Variants in SLIT1 observed in about 807,000 individuals in gnomAD.
SLIT1 encodes the protein slit guidance ligand 1, also known as slit homolog 1 protein.
A neutral mutation model predicts 186.1 loss-of-function variants in SLIT1; 66 were observed. The ratio of observed to expected loss-of-function variants is 0.35; its 90% CI spans 0.29 to 0.44. The LOEUF (loss-of-function observed/expected upper bound fraction) is 0.44. Ranked by LOEUF, SLIT1 falls within the 20% of genes least tolerant of loss-of-function variation. The pLI, the probability that SLIT1 is intolerant of heterozygous loss-of-function variation, is 1.00. For missense variants in SLIT1, 1,638 were observed against 2,037.4 expected (o/e 0.80, Z 3.77); for synonymous variants, 761 against 833.8 (o/e 0.91, Z 1.50).
At chr10:97,141,541 A>G (rs893971790) in intron 4 of SLIT1, among the ~76,000 whole-genome samples, 2 of 152,188 alleles carry the variant, frequency 1.3e-5, no homozygotes, top group East Asian at 1.9e-4. Context: ...GATATGCTTG[A>G]ATCAGCACAG....
rs1168870805 is a variant in SLIT1, at chr10:96,999,955, T to TCTAA, written c.*1153_*1156dup. ...GATAGATAGATAGATAGATAGGTCT[T>TCTAA]CTAACTCCTCTGGCCTCCCAAGACC... On this transcript the variant is annotated 3_prime_UTR_variant, in exon 37 of 37. Coordinates refer to ENST00000266058, the MANE Select transcript of SLIT1 (RefSeq NM_003061.3). 1.3e-5 allele frequency: 2 copies of TCTAA among 151,638 alleles called. No individual in the cohort carries two copies. Among genetic ancestry groups the TCTAA allele is most frequent in the African/African-American group, 2.4e-5 (1 of 41,028 alleles). The allele number at this position is 151,638 out of a possible 1,614,324, so 9.4% of individuals were successfully genotyped here. A position where few individuals can be genotyped will look rare whatever the true frequency, so the allele number is the denominator to read the frequency against.
chr10:97,051,185 A>C (rs1848783148), intron 13 of SLIT1, among the ~76,000 whole-genome samples: 1 of 152,154 alleles, frequency 6.6e-6, no homozygotes, highest in African/African-American at 2.4e-5. Flanking sequence ...CAAAAGCATT[A>C]GTCATTAGGG....
At chr10:97,083,707 G>A (rs1849128405) in intron 4 of SLIT1, among the ~76,000 whole-genome samples, 1 of 152,102 alleles carries the variant, frequency 6.6e-6, no homozygotes, top group South Asian at 2.1e-4. Flanking sequence ...GGGACTTCTT[G>A]CCTCCCAGAA....
rs1389513027 is a variant in SLIT1, at chr10:97,004,570, C to T, written c.3710+123G>A. ...GGGCTAACCCAGATGGTTCAAGTGTCCTTCAAACTCAGGCAGCCCAGGTTT... is the reference window on the plus strand; with the variant it reads ...GGGCTAACCCAGATGGTTCAAGTGTTCTTCAAACTCAGGCAGCCCAGGTTT... On this transcript the variant is annotated intron_variant, in intron 33 of 36. Transcript: ENST00000266058. This position sits in a 1 kb window ranked among gnomAD's most constrained non-coding sequence, Gnocchi z 5.1. The T allele has an allele frequency of 1.7e-6, 2 of 1,186,770 alleles. No homozygotes were observed. Among genetic ancestry groups the T allele is most frequent in the East Asian group, 2.3e-5 (1 of 42,892 alleles). 73.5% of individuals were successfully genotyped at this position (1,186,770 alleles called of 1,614,324 possible). A position where few individuals can be genotyped will look rare whatever the true frequency, so the allele number is the denominator to read the frequency against.
At chr10:97,141,707 G>A (rs1229030332) in intron 4 of SLIT1, among the ~76,000 whole-genome samples, 2 of 99,060 alleles carry the variant, frequency 2.0e-5, no homozygotes. Flanking sequence ...GTATCGTATT[G>A]TATTGTACTG....
intron 4 of SLIT1, among the ~76,000 whole-genome samples, chr10:97,089,291 C>T (rs895416182): frequency 1.2e-4 from 18 of 152,356 alleles, no homozygotes; most frequent in African/African-American, 2.4e-4. Context: ...AAGCCCCCCA[C>T]GACTGGGGGT....
chr10:97,010,330 C>T lies in SLIT1; in HGVS notation c.3341+663G>A, dbSNP rs1488847906. Among the ~76,000 whole-genome samples, 5 of 152,144 alleles carry T rather than the reference C, an allele frequency of 3.3e-5. No homozygotes were observed. Among genetic ancestry groups the T allele is most frequent in the Admixed American group, 6.5e-5 (1 of 15,276 alleles). Reference sequence around the variant, plus strand: ...ACAAAGGACAACAGACTGTACGATTCGACTTATAGGAAATCCCCAGAACAG... The same window carrying T: ...ACAAAGGACAACAGACTGTACGATTTGACTTATAGGAAATCCCCAGAACAG... On this transcript the variant is annotated intron_variant, in intron 31 of 36. Transcript: ENST00000266058. This position sits in a 1 kb window ranked among gnomAD's most constrained non-coding sequence, Gnocchi z 4.8.
At chr10:97,005,161 T>G (rs560053442) in intron 32 of SLIT1, among the ~76,000 whole-genome samples, 1 of 152,276 alleles carries the variant, frequency 6.6e-6, no homozygotes, top group South Asian at 2.1e-4. Flanking sequence ...CCCTGTCTGC[T>G]GGGTGTGGGT....
At chr10:97,168,106 T>G (rs142461881) in intron 1 of SLIT1, among the ~76,000 whole-genome samples, 2 of 152,254 alleles carry the variant, frequency 1.3e-5, no homozygotes, top group Non-Finnish European at 2.9e-5. Context: ...TGGCTGTCAC[T>G]GCTAAGTGGT....
chr10:97,147,427 T>C (rs757577427), intron 4 of SLIT1, among the ~76,000 whole-genome samples: 1 of 152,184 alleles, frequency 6.6e-6, no homozygotes, highest in African/African-American at 2.4e-5. Flanking sequence ...ATAAATATTA[T>C]GTATATTGTA....
In SLIT1 at chr10:97,047,649, G is replaced by A. The variant is rs1157265690; in HGVS notation, c.1634+41C>T. On this transcript the variant is annotated intron_variant, in intron 16 of 36. Transcript: ENST00000266058. ...AGTAGGCCAAGGAGGGTTAGTGGCA[G>A]TTAGGGACAGGGGAGGGCTGGGGGG... is the stretch of plus-strand genomic sequence containing the variant. The A allele has an allele frequency of 7.7e-6, 12 of 1,555,142 alleles. No individual in the cohort carries two copies. The Admixed American group carries it at 2.0e-4, about 26-fold the overall frequency.
chr10:97,163,382 C>A lies in SLIT1; in HGVS notation c.339G>T (p.Arg113=), dbSNP rs149947838. The A allele has an allele frequency of 1.2e-6, 2 of 1,613,844 alleles. No individual in the cohort carries two copies. Among genetic ancestry groups the A allele is most frequent in the East Asian group, 2.2e-5 (1 of 44,886 alleles). Residue 113 remains arginine, a splice_region_variant and synonymous_variant, in exon 3 of 37, where the codon CGG becomes CGT. Coordinates refer to ENST00000266058, the MANE Select transcript of SLIT1 (RefSeq NM_003061.3). ...GCCTGCACCCTGCCAGGACTCACAG[C>A]CGCTCCAGCTCCTTCATGTCATCAA... ...GAFDDMKELE[R]LRLNRNQLHM...
chr10:97,146,558 A>ACCC (rs1849819767), intron 4 of SLIT1, among the ~76,000 whole-genome samples: 1 of 131,756 alleles, frequency 7.6e-6, no homozygotes, highest in Non-Finnish European at 1.7e-5. Flanking sequence ...GAGGTACCCC[A>ACCC]GCCCCCCCCA....
chr10:97,023,208 G>A (rs1004270202), intron 25 of SLIT1, among the ~76,000 whole-genome samples: 5 of 150,226 alleles, frequency 3.3e-5, no homozygotes, highest in Non-Finnish European at 7.4e-5. Context: ...ACACTACCAC[G>A]CCCACCTAAT....
intron 8 of SLIT1, 129 bp from the exon 9 acceptor site, chr10:97,060,916 A>T (rs1236402706): frequency 1.0e-6 from 1 of 999,152 alleles, no homozygotes; most frequent in African/African-American, 1.6e-5. Flanking sequence ...ACCAGAGGGG[A>T]TCACTAATGA....
intron 4 of SLIT1, among the ~76,000 whole-genome samples, chr10:97,140,598 T>C (rs1386564111): frequency 4.6e-5 from 7 of 152,132 alleles, no homozygotes; most frequent in Non-Finnish European, 1.0e-4. Context: ...GCCTCCGCGA[T>C]CGGCCGACAG....
At chr10:97,151,870 A>C (rs559499567) in intron 4 of SLIT1, among the ~76,000 whole-genome samples, 170 of 152,200 alleles carry the variant, frequency 1.1e-3, no homozygotes, top group African/African-American at 2.9e-3. Flanking sequence ...GAGACCTTTC[A>C]TGAGGCCCTG....
rs1273745238 is a variant in SLIT1 at position 97,021,312 on chromosome 10, C to G, written c.2684G>C (p.Gly895Ala). Residue 895 changes from glycine to alanine, a missense_variant, in exon 26 of 37, where the codon GGG becomes GCG. This residue lies in a region of SLIT1 where 1,245 missense variants were observed against 1,535.3 expected (regional missense o/e 0.81). Coordinates refer to ENST00000266058, the MANE Select transcript of SLIT1 (RefSeq NM_003061.3). This position sits in a 1 kb window ranked among gnomAD's most constrained non-coding sequence, Gnocchi z 4.5. ...CAGCTTGCCCTCCATGTCCTGGGGC[C>G]CAGCACAACGAGCAATGCCCGGTTC... ...YKEPGIARCAGPQDMEGKLLL... is the reference protein window; with the variant it reads ...YKEPGIARCAAPQDMEGKLLL... The G allele has an allele frequency of 1.9e-6, 3 of 1,614,046 alleles. No individual in the cohort carries two copies. In the African/African-American group the frequency reaches 4.0e-5, roughly 22 times the overall value.
At chr10:97,005,871 C>T (rs920618018) in intron 32 of SLIT1, among the ~76,000 whole-genome samples, 5 of 152,050 alleles carry the variant, frequency 3.3e-5, no homozygotes, top group Non-Finnish European at 5.9e-5. Flanking sequence ...GAATGGAATT[C>T]GGGGGAAAGA....
Sources: gnomAD v4.1 joint callset for allele counts (sites outside exome capture counted in the v4.1 genomes callset) on GRCh38, gnomAD v4.1.1 for gene constraint, gnomAD v4.1.1 regional missense constraint, Gnocchi (gnomAD v3.1) non-coding constraint, MANE v1.5 for transcripts, NCBI Gene and HGNC (gene_info 2026-07-23, HGNC 2026-07-21) for gene names.